NDST4: variants seen among roughly 807,000 people sequenced by gnomAD.
NDST4 encodes the protein N-deacetylase and N-sulfotransferase 4.
NDST4 carries 63 observed loss-of-function variants against 100.8 expected under a neutral mutation model. The ratio of observed to expected loss-of-function variants is 0.62; its 90% CI spans 0.51 to 0.77. NDST4 has a LOEUF of 0.77. Among genes scored for constraint, NDST4 ranks in the 30% least tolerant of loss-of-function variants. NDST4 has a pLI of 0.00. For synonymous variants in NDST4, 377 were observed against 361.8 expected, an observed-to-expected ratio of 1.04 and a Z score of -0.48; for missense variants, 943 against 1,018.4, an observed-to-expected ratio of 0.93 and a Z score of 1.01.
intron 2 of NDST4, among the ~76,000 whole-genome samples, chr4:115,040,147 T>A (rs2126273699): frequency 6.6e-6 from 1 of 151,718 alleles, no homozygotes; most frequent in East Asian, 1.9e-4. Context: ...ATATTCTTTT[T>A]TAGTGAATTT....
At chr4:115,082,352 T>C (rs1257415031) in intron 1 of NDST4, among the ~76,000 whole-genome samples, 2 of 152,190 alleles carry the variant, frequency 1.3e-5, no homozygotes, top group African/African-American at 4.8e-5. Context: ...ATTTGCCACA[T>C]AATCATGGTA....
At chr4:114,839,853 ATT>A (rs1723389423) in intron 10 of NDST4, among the ~76,000 whole-genome samples, 1 of 152,218 alleles carries the variant, frequency 6.6e-6, no homozygotes, top group African/African-American at 2.4e-5. Flanking sequence ...TTGTAGTTAT[ATT>A]TATGTCTAAA....
At chr4:115,022,494 T>TATATATGTTCC (rs1727878986) in intron 2 of NDST4, among the ~76,000 whole-genome samples, 5 of 86,162 alleles carry the variant, frequency 5.8e-5, no homozygotes, top group Non-Finnish European at 1.3e-4. Context: ...ATATGTTCCA[T>TATATATGTTCC]ATATATATAT....
chr4:114,912,553 A>T (rs960837106), intron 6 of NDST4, among the ~76,000 whole-genome samples: 2 of 152,190 alleles, frequency 1.3e-5, no homozygotes, highest in African/African-American at 4.8e-5. Context: ...AGCATAAAGC[A>T]TGAAAAGCAA....
At chr4:115,108,356 A>G (rs905464731) in intron 1 of NDST4, among the ~76,000 whole-genome samples, 2 of 152,020 alleles carry the variant, frequency 1.3e-5, no homozygotes, top group African/African-American at 4.8e-5. Flanking sequence ...AATTCTGTGG[A>G]TCAGCAGTCT....
chr4:114,955,001 C>A (rs1427075187), intron 4 of NDST4, among the ~76,000 whole-genome samples: 2 of 152,184 alleles, frequency 1.3e-5, no homozygotes, highest in African/African-American at 4.8e-5. Context: ...GAAGCAGAAG[C>A]TGCTATGCTT....
chr4:114,965,467 G>GA (rs374204407), intron 4 of NDST4, among the ~76,000 whole-genome samples: 2 of 151,840 alleles, frequency 1.3e-5, no homozygotes, highest in Admixed American at 1.3e-4. Flanking sequence ...GTGTAATTAT[G>GA]AAAAAAGTTA....
At chr4:115,034,273 C>G (rs1294316483) in intron 2 of NDST4, among the ~76,000 whole-genome samples, 1 of 151,996 alleles carries the variant, frequency 6.6e-6, no homozygotes, top group Non-Finnish European at 1.5e-5. Flanking sequence ...TTACTCTGTC[C>G]CAAGTGCAGC....
intron 2 of NDST4, among the ~76,000 whole-genome samples, chr4:114,988,350 A>ATTTT (rs1560846225): frequency 5.2e-5 from 4 of 76,698 alleles, no homozygotes; most frequent in African/African-American, 1.7e-4. Context: ...AGATACACAT[A>ATTTT]TCTTTTTTTT....
At chr4:114,998,769 A>G (rs983545438) in intron 2 of NDST4, among the ~76,000 whole-genome samples, 3 of 152,008 alleles carry the variant, frequency 2.0e-5, no homozygotes, top group Non-Finnish European at 4.4e-5. Flanking sequence ...AAACTGCTTC[A>G]TGGTATGTTA....
chr4:114,893,014 GT>G (rs1724632332), intron 6 of NDST4, among the ~76,000 whole-genome samples: 2 of 152,028 alleles, frequency 1.3e-5, no homozygotes, highest in African/African-American at 4.8e-5. Flanking sequence ...CTGTTCCTGT[GT>G]TAGTTTGCTG....
At chr4:115,099,237 T>C (rs1422135271) in intron 1 of NDST4, among the ~76,000 whole-genome samples, 2 of 152,262 alleles carry the variant, frequency 1.3e-5, no homozygotes, top group African/African-American at 2.4e-5. Context: ...GAAGATCATA[T>C]AGGAGAAGAT....
rs143859014 is a variant in NDST4 at position 115,063,501 on chromosome 4, G to A, written c.978+12558C>T. On this transcript the variant is annotated intron_variant, in intron 2 of 13. Coordinates refer to ENST00000264363, the MANE Select transcript of NDST4 (RefSeq NM_022569.3). The stretch of plus-strand genomic sequence containing the variant: ...GGCACCATGTGTATTTCTATAAGGA[G>A]CATGAAAATAGCAAATTTTTGTTTT... 1.7e-3 allele frequency among the ~76,000 whole-genome samples: 260 copies of A among 151,892 alleles called. 1 individual carries two copies. Among genetic ancestry groups the A allele is most frequent in the African/African-American group, 5.9e-3 (244 of 41,448 alleles).
intron 6 of NDST4, among the ~76,000 whole-genome samples, chr4:114,872,747 TG>T (rs911690431): frequency 3.7e-4 from 57 of 152,032 alleles, no homozygotes; most frequent in African/African-American, 1.2e-3. Flanking sequence ...CTTTTACAGA[TG>T]AAAAAAAATG....
At chr4:115,105,676 G>C (rs576882558) in intron 1 of NDST4, among the ~76,000 whole-genome samples, 1 of 152,208 alleles carries the variant, frequency 6.6e-6, no homozygotes, top group East Asian at 1.9e-4. Context: ...TTCCACAAAA[G>C]TCTTCTGAAC....
chr4:115,093,745 A>G (rs936464252), intron 1 of NDST4, among the ~76,000 whole-genome samples: 12 of 152,120 alleles, frequency 7.9e-5, no homozygotes, highest in Admixed American at 2.0e-4. Context: ...TTAAAATTTA[A>G]GAAACATAAT....
At chr4:114,959,379 G>A (rs1726210453) in intron 4 of NDST4, among the ~76,000 whole-genome samples, 2 of 151,360 alleles carry the variant, frequency 1.3e-5, no homozygotes, top group Admixed American at 1.3e-4. Flanking sequence ...ATCCAAGATG[G>A]GGTAATTTGT....
intron 2 of NDST4, among the ~76,000 whole-genome samples, chr4:115,052,906 T>A (rs1728616832): frequency 6.6e-6 from 1 of 152,166 alleles, no homozygotes. Context: ...GTAGTCACTG[T>A]AAATTTTGTT....
chr4:114,907,640 T>C (rs1426672479), intron 6 of NDST4, among the ~76,000 whole-genome samples: 4 of 152,220 alleles, frequency 2.6e-5, no homozygotes, highest in Non-Finnish European at 5.9e-5. Context: ...ACAGGTGTTT[T>C]CCATATGTTA....
Sources: gnomAD v4.1 joint callset for allele counts (sites outside exome capture counted in the v4.1 genomes callset) on GRCh38, gnomAD v4.1.1 for gene constraint, MANE v1.5 for transcripts, NCBI Gene and HGNC (gene_info 2026-07-23, HGNC 2026-07-21) for gene names.